The following WLS variants were observed in gnomAD, a reference collection of about 807,000 sequenced individuals.
WLS encodes the protein protein wntless homolog.
Under a neutral mutation model 62.8 loss-of-function variants are expected in WLS, and 23 were observed. That is an observed-to-expected ratio of 0.37 (90% CI 0.26 to 0.52). WLS has a LOEUF of 0.52. Among genes scored for constraint, WLS ranks in the 20% least tolerant of loss-of-function variants. WLS has a pLI of 0.92. For missense variants in WLS, 615 were observed against 697.3 expected, an observed-to-expected ratio of 0.88 and a Z score of 1.33; for synonymous variants, 246 against 244.1, an observed-to-expected ratio of 1.01 and a Z score of -0.07.
intron 11 of WLS, among the ~76,000 whole-genome samples, chr1:68,118,325 G>C (rs1646320151): frequency 6.6e-6 from 1 of 152,172 alleles, no homozygotes; most frequent in Non-Finnish European, 1.5e-5. Context: ...TTCAATTTCT[G>C]CATCTTGAAG....
intron 2 of WLS, among the ~76,000 whole-genome samples, chr1:68,186,983 G>T (rs561812938): frequency 6.6e-6 from 1 of 151,650 alleles, no homozygotes. Context: ...AGGCCGAGGC[G>T]GGCGGATCAC....
intron 2 of WLS, among the ~76,000 whole-genome samples, chr1:68,174,598 C>T (rs1647204448): frequency 6.6e-6 from 1 of 152,152 alleles, no homozygotes; most frequent in Admixed American, 6.5e-5. Flanking sequence ...GCTGCTCCTC[C>T]CTCAATAAAA....
At chr1:68,138,844 A>G (rs1171043670) in intron 10 of WLS, among the ~76,000 whole-genome samples, 1 of 152,234 alleles carries the variant, frequency 6.6e-6, no homozygotes, top group Non-Finnish European at 1.5e-5. Flanking sequence ...TTCCTTTGAC[A>G]GCTGAATGAG....
chr1:68,109,255 C>A (rs1646188037), intron 11 of WLS, among the ~76,000 whole-genome samples: 2 of 152,196 alleles, frequency 1.3e-5, no homozygotes, highest in African/African-American at 4.8e-5. Context: ...GGTGGGTAAC[C>A]CTCTGGCTCT....
chr1:68,212,784 G>T (rs921474905), intron 1 of WLS, among the ~76,000 whole-genome samples: 2 of 152,122 alleles, frequency 1.3e-5, no homozygotes, highest in African/African-American at 4.8e-5. Context: ...TCTATAGTAG[G>T]TTACAGATGA....
intron 1 of WLS, among the ~76,000 whole-genome samples, chr1:68,219,283 C>A (rs962222200): frequency 1.3e-5 from 2 of 152,172 alleles, no homozygotes; most frequent in East Asian, 3.8e-4. Flanking sequence ...TAACAGTAGG[C>A]ATAGGTAATG....
At chr1:68,101,295 C>A (rs1332768105) in intron 11 of WLS, among the ~76,000 whole-genome samples, 1 of 151,284 alleles carries the variant, frequency 6.6e-6, no homozygotes, top group African/African-American at 2.5e-5. Flanking sequence ...AATAAATGTT[C>A]ATCATATTTG....
At chr1:68,137,704 T>G in intron 11 of WLS, 76 bp downstream of exon 11, 3 of 1,510,278 alleles carry the variant, frequency 2.0e-6, no homozygotes, top group South Asian at 1.3e-5. Flanking sequence ...ATCTCAGAGC[T>G]TTAGCCATTT....
chr1:68,225,386 C>G (rs778410858), intron 1 of WLS, among the ~76,000 whole-genome samples: 1 of 152,130 alleles, frequency 6.6e-6, no homozygotes, highest in African/African-American at 2.4e-5. Flanking sequence ...CATCCCCATA[C>G]GGGCACTTTC....
rs546186075 is a variant in WLS, at chr1:68,140,604, C to G, written c.1363-2671G>C. ...TGACAGGAAATATCAGACTCATGCT[C>G]CCGTCTCGTACTTGCTCTGGGACAC... On this transcript the variant is annotated intron_variant, in intron 10 of 11. Transcript: ENST00000262348. 3.3e-5 allele frequency among the ~76,000 whole-genome samples: 5 copies of G among 152,294 alleles called. No individual in the cohort carries two copies. In the East Asian group the frequency reaches 9.6e-4, roughly 29 times the overall value.
intron 11 of WLS, among the ~76,000 whole-genome samples, chr1:68,106,716 CTG>C (rs59601112): frequency 0.05 from 7,298 of 146,384 alleles, 511 homozygotes; most frequent in East Asian, 0.37. Flanking sequence ...GTGTTTGTCA[CTG>C]TGTGTGTGTG....
intron 11 of WLS, among the ~76,000 whole-genome samples, chr1:68,105,287 T>G (rs991326969): frequency 6.6e-6 from 1 of 152,210 alleles, no homozygotes. Context: ...CTAACCTGAG[T>G]GCTTATACTT....
chr1:68,145,620 G>T (rs1646742446), intron 9 of WLS, among the ~76,000 whole-genome samples: 1 of 151,908 alleles, frequency 6.6e-6, no homozygotes, highest in South Asian at 2.1e-4. Flanking sequence ...TGAAGAACCG[G>T]CTGAACAAGT....
At position 68,098,564 on chromosome 1, in the gene WLS, C is replaced by G. The variant is rs984998534; in HGVS notation, c.*68G>C. The G allele has an allele frequency of 1.9e-6, 3 of 1,591,432 alleles. No individual in the cohort carries two copies. The Admixed American group carries it at 5.2e-5, about 27-fold the overall frequency. ...AAATGAGTGTATTTGTGTGCGTATA[C>G]AAGTACAATCAATGTGACTGTGACA... On this transcript the variant is annotated 3_prime_UTR_variant, in exon 12 of 12. Transcript: ENST00000354777.
chr1:68,232,076 G>A (rs576719121), intron 1 of WLS, 118 bp downstream of exon 1: 29 of 1,366,738 alleles, frequency 2.1e-5, no homozygotes, highest in African/African-American at 5.8e-5. Flanking sequence ...CACAATAGCC[G>A]GACTAATTAG....
intron 11 of WLS, among the ~76,000 whole-genome samples, chr1:68,106,015 A>G (rs1470166733): frequency 6.6e-6 from 1 of 152,176 alleles, no homozygotes; most frequent in Admixed American, 6.5e-5. Context: ...AAAACTAAAC[A>G]TTGGTCACTG....
Position 68,129,327 on chromosome 1 carries a change from CA to C in WLS, c.1517-2993del, listed in dbSNP as rs533543302. On this transcript the variant is annotated intron_variant, in intron 11 of 11. Transcript: ENST00000262348. ...GTGAGAGAGTGTCTCAAAAACTAAA[CA>C]AAACAAAAAACTACACATAAAATAA... is the stretch of plus-strand genomic sequence containing the variant. Among the ~76,000 whole-genome samples the C allele has an allele frequency of 8.7e-4, 126 of 144,524 alleles. 1 individual carries two copies. The highest frequency in any genetic ancestry group is 2.8e-3 in the African/African-American group (110 of 39,602). The allele number at this position is 144,524 out of a possible 152,430, so 94.8% of individuals were successfully genotyped here. A position where few individuals can be genotyped will look rare whatever the true frequency, so the allele number is the denominator to read the frequency against.
chr1:68,136,246 A>T (rs1557467382), intron 11 of WLS, among the ~76,000 whole-genome samples: 1 of 152,128 alleles, frequency 6.6e-6, no homozygotes, highest in Non-Finnish European at 1.5e-5. Context: ...ACTGAAGGCT[A>T]ATCTAGAACT....
rs568570823 is a variant in WLS at position 68,106,075 on chromosome 1, G to A, written c.1511-7322C>T. Among the ~76,000 whole-genome samples the A allele has an allele frequency of 2.6e-5, 4 of 152,228 alleles. No individual in the cohort carries two copies. In the East Asian group the frequency reaches 7.7e-4, roughly 29 times the overall value. On this transcript the variant is annotated intron_variant, in intron 11 of 11. Coordinates refer to the WLS transcript ENST00000354777. The stretch of plus-strand genomic sequence containing the variant: ...TCAAGTACCTCGCTCTGAAATTTCA[G>A]AATTTCTTGGTGGGGAGTTAGGACT...
Sources: allele counts gnomAD v4.1 joint callset (sites outside exome capture counted in the v4.1 genomes callset), GRCh38; gene constraint gnomAD v4.1.1; transcripts MANE v1.5; gene names NCBI Gene and HGNC (gene_info 2026-07-23, HGNC 2026-07-21).